EDAR: variants seen among roughly 807,000 people sequenced by gnomAD.
EDAR encodes the protein tumor necrosis factor receptor superfamily member EDAR.
A neutral mutation model predicts 51.3 loss-of-function variants in EDAR; 38 were observed. The observed-to-expected ratio is 0.74, with a 90% confidence interval of 0.57 to 0.97. EDAR has a LOEUF of 0.97. Among genes scored for constraint, EDAR ranks in the 50% least tolerant of loss-of-function variants. The probability of loss-of-function intolerance (pLI) is 0.00; values close to 1 mark genes in which losing one functional copy is unlikely to be tolerated. For synonymous variants in EDAR, 227 were observed against 242.1 expected, an observed-to-expected ratio of 0.94 and a Z score of 0.58; for missense variants, 528 against 595.0, an observed-to-expected ratio of 0.89 and a Z score of 1.17.
intron 11 of EDAR, among the ~76,000 whole-genome samples, chr2:108,900,593 C>G (rs970885650): frequency 6.7e-6 from 1 of 150,302 alleles, no homozygotes; most frequent in Non-Finnish European, 1.5e-5. Context: ...CAAACCAAAC[C>G]AAAACAAAAA....
intron 11 of EDAR, 73 bp from the exon 12 acceptor site, chr2:108,897,302 TAAATG>T: frequency 7.3e-7 from 1 of 1,368,110 alleles, no homozygotes; most frequent in Non-Finnish European, 1.0e-6. Flanking sequence ...AAAAATTATT[TAAATG>T]AAATAAAAAT....
chr2:108,917,490 G>A (rs1697048965), intron 5 of EDAR, among the ~76,000 whole-genome samples: 1 of 152,164 alleles, frequency 6.6e-6, no homozygotes, highest in African/African-American at 2.4e-5. Context: ...ATGACACTTT[G>A]TATACATGTA....
chr2:108,935,379 T>C (rs779179096), intron 1 of EDAR, among the ~76,000 whole-genome samples: 1 of 152,184 alleles, frequency 6.6e-6, no homozygotes, highest in African/African-American at 2.4e-5. Flanking sequence ...TCATTAGAAA[T>C]GCAGAATCTC....
rs753365332 is a variant in EDAR at position 108,907,857 on chromosome 2, C to T, written c.963+3G>A. On this transcript the variant is annotated splice_donor_region_variant and intron_variant, in intron 10 of 11. Transcript: ENST00000258443. Reference sequence around the variant, plus strand: ...CTCATCATGGCACCTGCAGGAGCCTCACCCCGGCTGACTTGTTGCTGGTGG... The same window carrying T: ...CTCATCATGGCACCTGCAGGAGCCTTACCCCGGCTGACTTGTTGCTGGTGG... The T allele has an allele frequency of 8.7e-6, 14 of 1,613,468 alleles. No individual in the cohort carries two copies. In the South Asian group the frequency reaches 1.4e-4, roughly 16 times the overall value.
chr2:108,976,818 C>G (rs1309732848), intron 1 of EDAR, among the ~76,000 whole-genome samples: 1 of 150,868 alleles, frequency 6.6e-6, no homozygotes, highest in Non-Finnish European at 1.5e-5. Context: ...TCTTCTTTTT[C>G]TTTTCTTAGG....
chr2:108,934,675 G>C (rs1017595204), intron 1 of EDAR, among the ~76,000 whole-genome samples: 4 of 152,172 alleles, frequency 2.6e-5, no homozygotes, highest in African/African-American at 4.8e-5. Flanking sequence ...GGTGATAAGA[G>C]AGTGCAAGCA....
At chr2:108,970,882 C>A (rs960080382) in intron 1 of EDAR, among the ~76,000 whole-genome samples, 7 of 152,152 alleles carry the variant, frequency 4.6e-5, no homozygotes, top group Non-Finnish European at 2.9e-5. Context: ...CAGGACTGAA[C>A]AAATACAAGT....
At chr2:108,962,674 CAAAAA>C (rs66741499) in intron 1 of EDAR, among the ~76,000 whole-genome samples, 4 of 66,864 alleles carry the variant, frequency 6.0e-5, no homozygotes, top group East Asian at 1.3e-3. Flanking sequence ...GACTCTGTCT[CAAAAA>C]AAAAAAAAAA....
intron 1 of EDAR, among the ~76,000 whole-genome samples, chr2:108,931,492 T>TC (rs1041615239): frequency 1.3e-5 from 2 of 152,182 alleles, no homozygotes; most frequent in Admixed American, 1.3e-4. Flanking sequence ...TTAGTGTTCT[T>TC]CCCTCTCTCT....
At chr2:108,948,884 G>A (rs190058765) in intron 1 of EDAR, among the ~76,000 whole-genome samples, 18 of 152,296 alleles carry the variant, frequency 1.2e-4, no homozygotes, top group African/African-American at 3.9e-4. Context: ...TTGGGATGCC[G>A]AGGCAGGATG....
chr2:108,967,740 T>C (rs1187491754), intron 1 of EDAR, among the ~76,000 whole-genome samples: 1 of 152,180 alleles, frequency 6.6e-6, no homozygotes, highest in East Asian at 1.9e-4. Flanking sequence ...ACACAGTCTA[T>C]TGGGAAAAAC....
chr2:108,895,095 C>T lies in EDAR; in HGVS notation c.*1812G>A, dbSNP rs750606176. ...AATTAAAAGGATAATTAAGCTCTGC[C>T]GTGGAGTATTTAGCTTGCAGGGTAA... On this transcript the variant is annotated 3_prime_UTR_variant, in exon 12 of 12. Transcript: ENST00000258443. The T allele has an allele frequency of 2.0e-5, 3 of 152,576 alleles. No individual in the cohort carries two copies. The highest frequency in any genetic ancestry group is 4.4e-5 in the Non-Finnish European group (3 of 68,048). The allele number at this position is 152,576 out of a possible 1,614,324, so 9.5% of individuals were successfully genotyped here.
At chr2:108,930,079 C>T (rs1697334754) in intron 3 of EDAR, 41 bp downstream of exon 3, 1 of 1,594,186 alleles carries the variant, frequency 6.3e-7, no homozygotes, top group South Asian at 1.1e-5. Context: ...AGGAGGCCTC[C>T]CCTGAGAGCG....
chr2:108,946,595 A>C (rs1697718636), intron 1 of EDAR, among the ~76,000 whole-genome samples: 1 of 152,208 alleles, frequency 6.6e-6, no homozygotes, highest in South Asian at 2.1e-4. Flanking sequence ...ACAGTTCCAC[A>C]TGGCTGGCAG....
At chr2:108,952,351 T>C (rs1243521066) in intron 1 of EDAR, among the ~76,000 whole-genome samples, 1 of 152,202 alleles carries the variant, frequency 6.6e-6, no homozygotes, top group African/African-American at 2.4e-5. Flanking sequence ...CAGGATTTTG[T>C]TTCCTTTAAG....
rs548279576 is a variant in EDAR, at chr2:108,929,146, G to A, written c.356+52C>T. ...CCAAGGTCCTTGCCCGTAGCCCCTC[G>A]GGGTTTTCTGCAGAAAGCATGCCAG... On this transcript the variant is annotated intron_variant, in intron 4 of 11. Coordinates refer to ENST00000258443, the MANE Select transcript of EDAR (RefSeq NM_022336.4). 4.7e-5 allele frequency: 75 copies of A among 1,607,118 alleles called. 1 individual carries two copies. The highest frequency in any genetic ancestry group is 2.0e-4 in the South Asian group (18 of 90,686).
At chr2:108,977,231 G>A (rs947576680) in intron 1 of EDAR, among the ~76,000 whole-genome samples, 2 of 152,080 alleles carry the variant, frequency 1.3e-5, no homozygotes, top group African/African-American at 4.8e-5. Context: ...TTTGCCGCCG[G>A]GAGATCTGGT....
intron 1 of EDAR, among the ~76,000 whole-genome samples, chr2:108,977,952 T>C (rs1448012024): frequency 2.0e-5 from 3 of 152,256 alleles, no homozygotes; most frequent in African/African-American, 7.2e-5. Context: ...ATCTATGGAC[T>C]CTGTGGATGC....
intron 11 of EDAR, among the ~76,000 whole-genome samples, chr2:108,900,742 A>G (rs1031422149): frequency 6.6e-6 from 1 of 152,214 alleles, no homozygotes; most frequent in Non-Finnish European, 1.5e-5. Context: ...AACTTCAATA[A>G]CAAGAAGGCA....
Sources: allele counts gnomAD v4.1 joint callset (sites outside exome capture counted in the v4.1 genomes callset), GRCh38; gene constraint gnomAD v4.1.1; transcripts MANE v1.5; gene names NCBI Gene and HGNC (gene_info 2026-07-23, HGNC 2026-07-21).